CCSER2: variants seen among roughly 807,000 people sequenced by gnomAD.
CCSER2 encodes the protein serine-rich coiled-coil domain-containing protein 2.
Under a neutral mutation model 92.3 loss-of-function variants are expected in CCSER2, and 46 were observed. The ratio of observed to expected loss-of-function variants is 0.50; its 90% CI spans 0.39 to 0.64. The LOEUF (loss-of-function observed/expected upper bound fraction) is 0.64. Ranked by LOEUF, CCSER2 falls within the 30% of genes least tolerant of loss-of-function variation. The probability of loss-of-function intolerance (pLI) is 0.00; values close to 1 mark genes in which losing one functional copy is unlikely to be tolerated. For missense variants in CCSER2, 1,244 were observed against 1,238.9 expected, an observed-to-expected ratio of 1.00 and a Z score of -0.06; for synonymous variants, 433 against 431.4, an observed-to-expected ratio of 1.00 and a Z score of -0.04.
At chr10:84,372,897 C>T (rs1449086927) in intron 2 of CCSER2, among the ~76,000 whole-genome samples, 2 of 152,040 alleles carry the variant, frequency 1.3e-5, no homozygotes, top group Non-Finnish European at 2.9e-5. Flanking sequence ...TCTAATCTCA[C>T]GGATTTTTTT....
rs1303884975 is a variant in CCSER2 at position 84,462,458 on chromosome 10, A to G, written c.2065-1475A>G. ...ACAGTCTGTCTCTCTTCTCAAATAT[A>G]CTTGTAGGTAGGACTGGCGATGCTT... On this transcript the variant is annotated intron_variant, in intron 6 of 9. Coordinates refer to ENST00000372088, the MANE Select transcript of CCSER2 (RefSeq NM_001284240.2). 2.6e-5 allele frequency among the ~76,000 whole-genome samples: 4 copies of G among 152,192 alleles called. No homozygotes were observed. In the South Asian group the frequency reaches 6.2e-4, roughly 24 times the overall value.
At chr10:84,504,581 T>A (rs1385908124) in intron 9 of CCSER2, among the ~76,000 whole-genome samples, 1 of 152,242 alleles carries the variant, frequency 6.6e-6, no homozygotes, top group African/African-American at 2.4e-5. Context: ...TTGAAATTCA[T>A]ACAGTTGGAT....
chr10:84,502,341 T>G (rs1322567028), intron 9 of CCSER2, among the ~76,000 whole-genome samples: 2 of 151,450 alleles, frequency 1.3e-5, no homozygotes, highest in East Asian at 3.9e-4. Flanking sequence ...AGTATAATGT[T>G]TCATTAAAAA....
chr10:84,363,519 C>T (rs959821643), intron 1 of CCSER2, among the ~76,000 whole-genome samples: 1 of 152,066 alleles, frequency 6.6e-6, no homozygotes, highest in Non-Finnish European at 1.5e-5. Context: ...TGCTCTTGTA[C>T]TTAGTAGTGA....
intron 1 of CCSER2, among the ~76,000 whole-genome samples, chr10:84,353,409 AC>A (rs1317190619): frequency 9.2e-5 from 14 of 152,216 alleles, no homozygotes; most frequent in Non-Finnish European, 1.3e-4. Flanking sequence ...TATTAAAAAA[AC>A]GAGTCTTTAA....
intron 4 of CCSER2, chr10:84,425,086 T>G (rs1843359133): frequency 1.0e-6 from 1 of 969,058 alleles, no homozygotes; most frequent in Non-Finnish European, 1.2e-6. Flanking sequence ...AAGAGATTCT[T>G]TTCGTGTTTT....
chr10:84,372,537 T>A, intron 2 of CCSER2, 68 bp downstream of exon 2: 1 of 920,182 alleles, frequency 1.1e-6, no homozygotes, highest in Non-Finnish European at 1.6e-6. Flanking sequence ...ACATTTAGGA[T>A]TATCTTCAGA....
chr10:84,434,772 A>G (rs1261918184), intron 5 of CCSER2, among the ~76,000 whole-genome samples: 1 of 152,172 alleles, frequency 6.6e-6, no homozygotes. Context: ...CTAAGGAGAC[A>G]AGTATTGTTA....
intron 1 of CCSER2, among the ~76,000 whole-genome samples, chr10:84,364,449 G>A (rs924073005): frequency 2.0e-4 from 31 of 152,240 alleles, no homozygotes; most frequent in African/African-American, 7.5e-4. Context: ...CTGGAATCAG[G>A]TAAACTTGAA....
chr10:84,343,380 GT>G (rs752482305), intron 1 of CCSER2, among the ~76,000 whole-genome samples: 5 of 152,086 alleles, frequency 3.3e-5, no homozygotes, highest in Non-Finnish European at 7.3e-5. Flanking sequence ...TGTCTTTACT[GT>G]TTCCTTGGGC....
At chr10:84,478,828 A>G (rs536323099) in intron 9 of CCSER2, among the ~76,000 whole-genome samples, 1 of 152,218 alleles carries the variant, frequency 6.6e-6, no homozygotes, top group African/African-American at 2.4e-5. Context: ...GGTGAAGAAA[A>G]TGAAGGTTGT....
chr10:84,457,302 AT>A (rs1238277746), intron 6 of CCSER2, among the ~76,000 whole-genome samples: 6,853 of 62,356 alleles, frequency 0.11, 783 homozygotes, highest in Admixed American at 0.16. Flanking sequence ...ATTATATATA[AT>A]ATGTTATATA....
chr10:84,456,296 A>G (rs559593370), intron 6 of CCSER2, among the ~76,000 whole-genome samples: 8 of 152,342 alleles, frequency 5.3e-5, no homozygotes, highest in East Asian at 1.9e-4. Flanking sequence ...TGAAAAGATT[A>G]TCATATAAAT....
chr10:84,367,132 C>T (rs1315752250), intron 1 of CCSER2, among the ~76,000 whole-genome samples: 1 of 151,914 alleles, frequency 6.6e-6, no homozygotes, highest in Non-Finnish European at 1.5e-5. Context: ...AGAATTATTT[C>T]TTTATCCTTG....
chr10:84,419,445 A>G (rs1361063251), intron 4 of CCSER2, among the ~76,000 whole-genome samples: 1 of 152,204 alleles, frequency 6.6e-6, no homozygotes, highest in Non-Finnish European at 1.5e-5. Flanking sequence ...CTTATTTCTA[A>G]GCACATTCTT....
intron 5 of CCSER2, among the ~76,000 whole-genome samples, chr10:84,434,055 T>C (rs1843953928): frequency 6.6e-6 from 1 of 152,242 alleles, no homozygotes; most frequent in Admixed American, 6.5e-5. Flanking sequence ...GAGTTTCTGT[T>C]AGAAATTCAT....
intron 4 of CCSER2, among the ~76,000 whole-genome samples, chr10:84,419,548 T>C (rs974686812): frequency 1.3e-5 from 2 of 152,054 alleles, no homozygotes; most frequent in African/African-American, 4.8e-5. Flanking sequence ...ATAGAGGACA[T>C]TGCATGTATA....
At position 84,414,764 on chromosome 10, in the gene CCSER2, C is replaced by T. The variant is rs145433088; in HGVS notation, c.1615-3007C>T. Among the ~76,000 whole-genome samples, 365 of 152,240 alleles carry T rather than the reference C, an allele frequency of 2.4e-3. 1 individual carries two copies. The highest frequency in any genetic ancestry group is 8.4e-3 in the African/African-American group (349 of 41,544). On this transcript the variant is annotated intron_variant, in intron 3 of 9. Transcript: ENST00000372088. ...TTTCCCAAGTTGGTTCCATTCTCCC[C>T]ATCTCTTTCGGGTATCCCAATCAGT...
intron 5 of CCSER2, among the ~76,000 whole-genome samples, chr10:84,434,460 C>G (rs1426609110): frequency 6.6e-6 from 1 of 152,086 alleles, no homozygotes; most frequent in African/African-American, 2.4e-5. Context: ...CAGAAAACTT[C>G]ATGTGTTTCT....
Sources: gnomAD v4.1 joint callset for allele counts (sites outside exome capture counted in the v4.1 genomes callset) on GRCh38, gnomAD v4.1.1 for gene constraint, MANE v1.5 for transcripts, NCBI Gene and HGNC (gene_info 2026-07-23, HGNC 2026-07-21) for gene names.